GRID1: variants seen among roughly 807,000 people sequenced by gnomAD.
The protein encoded by GRID1 is glutamate receptor ionotropic, delta-1.
In GRID1, 28 loss-of-function variants were observed where a neutral mutation model predicts 98.0. The observed-to-expected ratio is 0.29, with a 90% CI of 0.21 to 0.39. The LOEUF is 0.39. GRID1 is among the 10% of genes least tolerant of loss of function. The probability of loss-of-function intolerance (pLI) is 1.00; values close to 1 mark genes in which losing one functional copy is unlikely to be tolerated. For synonymous variants in GRID1, 553 were observed against 538.5 expected (o/e 1.03, Z -0.37); for missense variants, 1,111 against 1,340.5 (o/e 0.83, Z 2.67).
At chr10:85,704,197 C>A (rs959373263) in intron 12 of GRID1, among the ~76,000 whole-genome samples, 1 of 152,092 alleles carries the variant, frequency 6.6e-6, no homozygotes, top group African/African-American at 2.4e-5. Flanking sequence ...AGTCAAGACC[C>A]ATCAGTGTGC....
chr10:85,977,675 G>T (rs1350785515), intron 4 of GRID1, among the ~76,000 whole-genome samples: 1 of 152,216 alleles, frequency 6.6e-6, no homozygotes, highest in Non-Finnish European at 1.5e-5. Context: ...TCCCTCTCCA[G>T]ACACAACGCA....
chr10:85,903,615 T>C (rs975836955), intron 5 of GRID1, among the ~76,000 whole-genome samples: 1 of 152,200 alleles, frequency 6.6e-6, no homozygotes. Flanking sequence ...AACCCTCCTC[T>C]TGCTTCCAAC....
intron 2 of GRID1, among the ~76,000 whole-genome samples, chr10:86,321,827 C>T (rs1255287127): frequency 6.6e-6 from 1 of 152,126 alleles, no homozygotes; most frequent in African/African-American, 2.4e-5. Context: ...CCAGCTGGCA[C>T]AACAGTGCAG....
chr10:85,908,753 C>A (rs1178988957), intron 5 of GRID1, among the ~76,000 whole-genome samples: 1 of 152,090 alleles, frequency 6.6e-6, no homozygotes, highest in Non-Finnish European at 1.5e-5. Flanking sequence ...AAGAACAAGG[C>A]AGGAGCCTAA....
chr10:86,192,565 TAC>T lies in GRID1; in HGVS notation c.520+13797_520+13798del, dbSNP rs780561198. 4.7e-5 allele frequency among the ~76,000 whole-genome samples: 7 copies of T among 149,850 alleles called. 1 individual carries two copies. The highest frequency in any genetic ancestry group is 9.0e-5 in the Non-Finnish European group (6 of 66,356). On this transcript the variant is annotated intron_variant, in intron 3 of 15. Coordinates refer to ENST00000327946, the MANE Select transcript of GRID1 (RefSeq NM_017551.3). The surrounding 1 kb of genome is among the most constrained non-coding windows in gnomAD (Gnocchi z 4.8). ...GAGATGGGGGTCTTTGTTGAATGAG[TAC>T]AGAGTTTCGGTTTGGGAAGATGAGA...
chr10:85,645,375 CA>C (rs559432139), intron 13 of GRID1, among the ~76,000 whole-genome samples: 11 of 152,330 alleles, frequency 7.2e-5, no homozygotes, highest in African/African-American at 2.4e-4. Flanking sequence ...GATTCACTGT[CA>C]GGGGTGAAAG....
At chr10:85,737,726 T>TATAA (rs34706224) in intron 8 of GRID1, among the ~76,000 whole-genome samples, 65 of 142,650 alleles carry the variant, frequency 4.6e-4, no homozygotes, top group African/African-American at 1.4e-3. Flanking sequence ...TATATATATA[T>TATAA]AACCATGTAT....
At chr10:85,993,618 C>T (rs764602444) in intron 4 of GRID1, among the ~76,000 whole-genome samples, 1 of 152,056 alleles carries the variant, frequency 6.6e-6, no homozygotes, top group Non-Finnish European at 1.5e-5. Context: ...AAACTAGGTA[C>T]CCCAGCCAGG....
At chr10:85,894,397 A>G in intron 5 of GRID1, among the ~76,000 whole-genome samples, 1 of 152,202 alleles carries the variant, frequency 6.6e-6, no homozygotes, top group Non-Finnish European at 1.5e-5. Flanking sequence ...AAAGAGTATA[A>G]TACAGGTATG....
chr10:85,925,139 G>A (rs574705567), intron 4 of GRID1, among the ~76,000 whole-genome samples: 4 of 152,322 alleles, frequency 2.6e-5, no homozygotes, highest in African/African-American at 9.6e-5. Flanking sequence ...ATTGGCCAAT[G>A]GATACTTGGA....
intron 8 of GRID1, among the ~76,000 whole-genome samples, chr10:85,826,175 A>G (rs957090400): frequency 6.6e-6 from 1 of 152,090 alleles, no homozygotes; most frequent in Non-Finnish European, 1.5e-5. Flanking sequence ...TACTAAAAAA[A>G]AAATACAAAA....
intron 4 of GRID1, among the ~76,000 whole-genome samples, chr10:85,928,306 T>C (rs1841803206): frequency 6.6e-6 from 1 of 152,180 alleles, no homozygotes; most frequent in South Asian, 2.1e-4. Flanking sequence ...AACACTTACA[T>C]AAATACATAA....
At chr10:85,855,165 A>G (rs1843097625) in intron 7 of GRID1, among the ~76,000 whole-genome samples, 1 of 152,234 alleles carries the variant, frequency 6.6e-6, no homozygotes, top group East Asian at 1.9e-4. Context: ...CCTGAAGTTA[A>G]TTAACTCCAC....
intron 2 of GRID1, among the ~76,000 whole-genome samples, chr10:86,347,705 G>A (rs949917239): frequency 1.3e-5 from 2 of 152,218 alleles, no homozygotes; most frequent in South Asian, 2.1e-4. Flanking sequence ...TGCCTGAAGC[G>A]ATGCAGCCTC....
At position 85,720,599 on chromosome 10, in the gene GRID1, A is replaced by C. The variant is rs550995586; in HGVS notation, c.1997+2404T>G. On this transcript the variant is annotated intron_variant, in intron 12 of 15. Transcript: ENST00000327946. ...TAGCCTTTTCAACAAATAGTATTAA[A>C]GCTATTGGGCATCCATAGACCAAAA... is the stretch of plus-strand genomic sequence containing the variant. Among the ~76,000 whole-genome samples, 6 of 151,256 alleles carry C rather than the reference A, an allele frequency of 4.0e-5. No individual in the cohort carries two copies. In the East Asian group the frequency reaches 1.2e-3, roughly 29 times the overall value.
chr10:86,282,694 C>A (rs1455679859), intron 2 of GRID1, among the ~76,000 whole-genome samples: 4 of 152,146 alleles, frequency 2.6e-5, no homozygotes, highest in Non-Finnish European at 5.9e-5. Context: ...TCACTAGACA[C>A]CCCCTAAATT....
chr10:86,089,535 T>C (rs1402468678), intron 4 of GRID1, among the ~76,000 whole-genome samples: 2 of 152,174 alleles, frequency 1.3e-5, no homozygotes, highest in African/African-American at 4.8e-5. Context: ...TGAAGATCAC[T>C]ATTCACACAA....
chr10:85,626,253 C>T (rs1019030745), intron 13 of GRID1, among the ~76,000 whole-genome samples: 3 of 152,194 alleles, frequency 2.0e-5, no homozygotes, highest in Non-Finnish European at 2.9e-5. Flanking sequence ...AATTAAATGA[C>T]GTGTCCCAAA....
chr10:86,354,727 G>T (rs955937763), intron 2 of GRID1, among the ~76,000 whole-genome samples: 1 of 152,242 alleles, frequency 6.6e-6, no homozygotes, highest in African/African-American at 2.4e-5. Context: ...GTCCCGGGGA[G>T]GCAGGGGCAG....
Sources: gnomAD v4.1 joint callset for allele counts (sites outside exome capture counted in the v4.1 genomes callset) on GRCh38, gnomAD v4.1.1 for gene constraint, Gnocchi (gnomAD v3.1) non-coding constraint, MANE v1.5 for transcripts, NCBI Gene and HGNC (gene_info 2026-07-23, HGNC 2026-07-21) for gene names.